Variants in HSPH1 observed in about 807,000 individuals in gnomAD.
HSPH1 encodes the protein heat shock protein 105 kDa.
HSPH1 carries 40 observed loss-of-function variants against 100.0 expected under a neutral mutation model. The observed-to-expected ratio is 0.40, with a 90% confidence interval of 0.31 to 0.52. The LOEUF is 0.52. Among genes scored for constraint, HSPH1 ranks in the 20% least tolerant of loss-of-function variants. The pLI is 0.54. For synonymous variants in HSPH1, 403 were observed against 344.0 expected, an observed-to-expected ratio of 1.17 and a Z score of -1.90; for missense variants, 876 against 1,015.1, an observed-to-expected ratio of 0.86 and a Z score of 1.86.
chr13:31,147,411 A>G (rs1956302965), intron 10 of HSPH1, among the ~76,000 whole-genome samples: 1 of 149,484 alleles, frequency 6.7e-6, no homozygotes, highest in Non-Finnish European at 1.5e-5. Context: ...CAATATTGGC[A>G]AATTTCACCT....
At chr13:31,161,451 T>G in intron 1 of HSPH1, 25 bp downstream of exon 1, 1 of 1,613,248 alleles carries the variant, frequency 6.2e-7, no homozygotes, top group Non-Finnish European at 8.5e-7. Flanking sequence ...CCTCCTCCCA[T>G]CCACCCTCGC....
intron 8 of HSPH1, 88 bp downstream of exon 8, chr13:31,149,866 G>A: frequency 9.8e-7 from 1 of 1,019,764 alleles, no homozygotes; most frequent in South Asian, 1.3e-5. Context: ...CCTAGACACA[G>A]GTCTCTGTTT....
rs1395617929 is a variant in HSPH1 at position 31,138,790 on chromosome 13, G to A, written c.2199C>T (p.Phe733=). 5 of 1,605,124 alleles carry A rather than the reference G, an allele frequency of 3.1e-6. No individual in the cohort carries two copies. Among genetic ancestry groups the A allele is most frequent in the Non-Finnish European group, 1.7e-6 (2 of 1,177,570 alleles). ...LQHYAKIAAD[F]RNKDEKYNHI... is the part of the protein sequence containing the mutation. ...AAAAAGACTGACTCACCTTATTTCT[G>A]AAGTCAGCTGCTATCTTGGCATAAT... The change falls in exon 16 of 18, where the codon TTC becomes TTT. Residue 733 remains phenylalanine (F), a synonymous_variant. Transcript: ENST00000320027.
In HSPH1 at chr13:31,152,889, G is replaced by T. The variant is rs1465473066; in HGVS notation, c.492C>A (p.Gly164=). 1 of 1,612,502 alleles carries T rather than the reference G, an allele frequency of 6.2e-7. No homozygotes were observed. Among genetic ancestry groups the T allele is most frequent in the East Asian group, 2.2e-5 (1 of 44,824 alleles). The change falls in exon 5 of 18, where the codon GGC becomes GGA. Residue 164 remains glycine, a synonymous_variant. Transcript: ENST00000320027. The part of the protein sequence containing the change: ...RSVLDAAQIV[G]LNCLRLMNDM... ...CATTCATAAGTCTTAAACAGTTTAGGCCAACAATCTGTGCAGCATCTAACA... is the reference window on the plus strand; with the variant it reads ...CATTCATAAGTCTTAAACAGTTTAGTCCAACAATCTGTGCAGCATCTAACA...
At chr13:31,159,586 TA>T (rs1956822460) in intron 1 of HSPH1, among the ~76,000 whole-genome samples, 1 of 152,098 alleles carries the variant, frequency 6.6e-6, no homozygotes, top group South Asian at 2.1e-4. Context: ...GAGACTAGCT[TA>T]AAAAGTCTTG....
intron 8 of HSPH1, 92 bp from the exon 9 acceptor site, chr13:31,148,572 C>T (rs375432440): frequency 6.8e-4 from 93 of 136,360 alleles, no homozygotes; most frequent in South Asian, 3.1e-3. Flanking sequence ...ACAGGGTTTT[C>T]AAAAAAAAAA....
At position 31,148,011 on chromosome 13, in the gene HSPH1, T is replaced by C; in HGVS notation, c.1326A>G (p.Leu442=). 6.2e-7 allele frequency: 1 copy of C among 1,610,716 alleles called. No homozygotes were observed. ...LTFLRRGPFE[L]EAFYSDPQGV... ...CTTGGGGATCAGAATAGAAAGCTTC[T>C]AGCTCAAAAGGCCCCCTTCTCAGAA... Residue 442 remains leucine, a synonymous_variant, in exon 10 of 18, where the codon CTA becomes CTG. Coordinates refer to ENST00000320027, the MANE Select transcript of HSPH1 (RefSeq NM_006644.4).
At chr13:31,160,265 C>T (rs528699451) in intron 1 of HSPH1, among the ~76,000 whole-genome samples, 2 of 152,228 alleles carry the variant, frequency 1.3e-5, no homozygotes, top group East Asian at 3.9e-4. Context: ...ATTAAAAAAA[C>T]CTTAACCAAA....
At position 31,150,993 on chromosome 13, in the gene HSPH1, T is replaced by C; in HGVS notation, c.862A>G (p.Ile288Val). ...TCTTTATCATTCATAAAGCATTCGA[T>C]ATTCAGTGGAAGGTCTGTGCTGTTA... ...SSNSTDLPLN[I>V]ECFMNDKDVS... Residue 288 changes from isoleucine to valine, a missense_variant, in exon 7 of 18, where the codon ATC becomes GTC. Physicochemically the swap from Ile to Val is conservative, Grantham distance 29. Coordinates refer to ENST00000320027, the MANE Select transcript of HSPH1 (RefSeq NM_006644.4). 2 of 1,613,522 alleles carry C rather than the reference T, an allele frequency of 1.2e-6. No individual in the cohort carries two copies. Among genetic ancestry groups the C allele is most frequent in the Middle Eastern group, 1.7e-4 (1 of 6,054 alleles).
At chr13:31,158,247 A>G (rs1392001735) in intron 2 of HSPH1, among the ~76,000 whole-genome samples, 1 of 152,162 alleles carries the variant, frequency 6.6e-6, no homozygotes, top group African/African-American at 2.4e-5. Context: ...GGCAGCAAAA[A>G]GTTACTAAAA....
chr13:31,139,667 C>A (rs566382676), intron 14 of HSPH1, among the ~76,000 whole-genome samples: 9 of 152,160 alleles, frequency 5.9e-5, no homozygotes, highest in African/African-American at 2.2e-4. Context: ...GTAACTAAAT[C>A]CTAGATTTTT....
At chr13:31,137,602 AC>A in intron 17 of HSPH1, 78 bp from the exon 18 acceptor site, 2 of 1,018,724 alleles carry the variant, frequency 2.0e-6, no homozygotes, top group Non-Finnish European at 2.9e-6. Context: ...CACATACTCA[AC>A]CCACTATTTT....
At chr13:31,159,908 A>G (rs1357779084) in intron 1 of HSPH1, among the ~76,000 whole-genome samples, 2 of 152,208 alleles carry the variant, frequency 1.3e-5, no homozygotes, top group Admixed American at 1.3e-4. Context: ...GCATCACTGT[A>G]AGCTCTGAAT....
chr13:31,137,427 T>C lies in HSPH1; in HGVS notation c.2468A>G (p.Lys823Arg), dbSNP rs764448255. 6.2e-7 allele frequency: 1 copy of C among 1,613,624 alleles called. No homozygotes were observed. Among genetic ancestry groups the C allele is most frequent in the South Asian group, 1.1e-5 (1 of 91,050 alleles). ...TTTGTCTTCTAAATCTTCTTCCTTT[T>C]TATCAATATTTGGGCCATTTGGAGT... ...ERTPNGPNID[K>R]KEEDLEDKNN... Residue 823 changes from lysine to arginine, a missense_variant, in exon 18 of 18, where the codon AAA becomes AGA. Coordinates refer to ENST00000320027, the MANE Select transcript of HSPH1 (RefSeq NM_006644.4).
intron 4 of HSPH1, chr13:31,154,392 A>G (rs1450732436): frequency 2.2e-5 from 12 of 549,316 alleles, no homozygotes; most frequent in Non-Finnish European, 3.6e-5. Flanking sequence ...GAACCAGTCA[A>G]AATCTGTATT....
intron 11 of HSPH1, among the ~76,000 whole-genome samples, chr13:31,145,308 C>T (rs1956229285): frequency 1.3e-5 from 2 of 152,082 alleles, no homozygotes; most frequent in South Asian, 4.1e-4. Context: ...AAAAAACTCC[C>T]AACTCAATAA....
At chr13:31,153,725 A>G (rs1230551628) in intron 4 of HSPH1, among the ~76,000 whole-genome samples, 1 of 151,978 alleles carries the variant, frequency 6.6e-6, no homozygotes, top group Non-Finnish European at 1.5e-5. Context: ...ATATTTGTAG[A>G]TGCTTGAGAG....
At chr13:31,155,427 T>C in intron 3 of HSPH1, 87 bp downstream of exon 3, 2 of 1,067,782 alleles carry the variant, frequency 1.9e-6, no homozygotes, top group East Asian at 2.6e-5. Context: ...CTGGTGTAAT[T>C]AAGAAATTTA....
intron 12 of HSPH1, 91 bp from the exon 13 acceptor site, chr13:31,141,350 G>C (rs1289352699): frequency 9.6e-7 from 1 of 1,046,726 alleles, no homozygotes; most frequent in African/African-American, 1.6e-5. Context: ...TGATGACTTG[G>C]GCAAAAATAA....
Sources: gnomAD v4.1 joint callset for allele counts (sites outside exome capture counted in the v4.1 genomes callset) on GRCh38, gnomAD v4.1.1 for gene constraint, MANE v1.5 for transcripts, NCBI Gene and HGNC (gene_info 2026-07-23, HGNC 2026-07-21) for gene names.